The following DNAH11 variants were observed in gnomAD, a reference collection of about 807,000 sequenced individuals.
DNAH11 encodes the protein axonemal beta dynein heavy chain 11.
DNAH11 carries 442 observed loss-of-function variants against 526.0 expected under a neutral mutation model. The ratio of observed to expected loss-of-function variants is 0.84; its 90% CI spans 0.78 to 0.91. The LOEUF (loss-of-function observed/expected upper bound fraction) is 0.91. Ranked by LOEUF, DNAH11 falls within the 40% of genes least tolerant of loss-of-function variation. The probability of loss-of-function intolerance (pLI) is 0.00; values close to 1 mark genes in which losing one functional copy is unlikely to be tolerated. For synonymous variants in DNAH11, 2,461 were observed against 1,935.9 expected (o/e 1.27, Z -7.12); for missense variants, 6,989 against 5,448.7 (o/e 1.28, Z -8.90).
At chr7:21,840,249 A>G (rs1294543558) in intron 65 of DNAH11, among the ~76,000 whole-genome samples, 1 of 152,248 alleles carries the variant, frequency 6.6e-6, no homozygotes, top group Admixed American at 6.5e-5. Flanking sequence ...TTTTCTTTAG[A>G]ATTTTCCCAG....
chr7:21,890,114 T>C (rs749963170), intron 76 of DNAH11, among the ~76,000 whole-genome samples: 1 of 152,246 alleles, frequency 6.6e-6, no homozygotes, highest in East Asian at 1.9e-4. Context: ...TAAATTCTTA[T>C]GGCCACAACC....
In DNAH11 at chr7:21,880,938, G is replaced by A. The variant is rs62445884; in HGVS notation, c.12387+45G>A. The stretch of plus-strand genomic sequence containing the variant: ...TAACCTCTTCCAAGGAGTTTACAAA[G>A]CTGTCAGTCTTTGGGCACTATCAAA... On this transcript the variant is annotated intron_variant, in intron 75 of 81. Transcript: ENST00000409508. The A allele has an allele frequency of 0.22, 333,581 of 1,509,480 alleles. 39,133 individuals are homozygous for A. The highest frequency in any genetic ancestry group is 0.24 in the Non-Finnish European group (275,103 of 1,127,568). The allele number at this position is 1,509,480 out of a possible 1,614,324, so 93.5% of individuals were successfully genotyped here.
chr7:21,698,857 G>T (rs1170275331), intron 36 of DNAH11, among the ~76,000 whole-genome samples: 2 of 152,096 alleles, frequency 1.3e-5, no homozygotes, highest in Non-Finnish European at 2.9e-5. Context: ...AGATCAAATG[G>T]AGATTCCTTT....
At chr7:21,765,119 A>G (rs1036668400) in intron 54 of DNAH11, among the ~76,000 whole-genome samples, 1 of 152,180 alleles carries the variant, frequency 6.6e-6, no homozygotes, top group African/African-American at 2.4e-5. Flanking sequence ...TTTTATTATA[A>G]TGTTACTTGT....
chr7:21,720,927 CAT>C, intron 44 of DNAH11, 71 bp downstream of exon 44: 1 of 1,554,116 alleles, frequency 6.4e-7, no homozygotes, highest in African/African-American at 1.4e-5. Flanking sequence ...GAGGTTAAAA[CAT>C]GTGATCTGTA....
chr7:21,574,865 G>C lies in DNAH11; in HGVS notation c.1593+2892G>C, dbSNP rs550677804. ...ATTACAGGCGTGAGCCACTGCACTG[G>C]GCTTTTTTTTTTTTTTTTTTTTTTT... is the stretch of plus-strand genomic sequence containing the variant. On this transcript the variant is annotated intron_variant, in intron 8 of 81. Coordinates refer to ENST00000409508, the MANE Select transcript of DNAH11 (RefSeq NM_001277115.2). Among the ~76,000 whole-genome samples the C allele has an allele frequency of 9.2e-4, 107 of 116,318 alleles. 1 individual carries two copies. Among genetic ancestry groups the C allele is most frequent in the African/African-American group, 3.0e-3 (98 of 32,138 alleles). 76.3% of individuals were successfully genotyped at this position (116,318 alleles called of 152,430 possible).
intron 28 of DNAH11, among the ~76,000 whole-genome samples, chr7:21,639,471 T>C (rs1787022850): frequency 6.6e-6 from 1 of 152,186 alleles, no homozygotes; most frequent in African/African-American, 2.4e-5. Context: ...GTCACCTTCA[T>C]AATTATGACA....
At position 21,725,880 on chromosome 7, in the gene DNAH11, C is replaced by G. The variant is rs778320735; in HGVS notation, c.7336C>G (p.Gln2446Glu). The change falls in exon 45 of 82, where the codon CAG becomes GAG. Residue 2446 changes from glutamine to glutamate, a missense_variant. By Grantham distance (29) the Gln-to-Glu change is conservative (BLOSUM62 2). Transcript: ENST00000409508. The stretch of plus-strand genomic sequence containing the variant: ...GATGAAAGCAGTGAAATTTCCGTCG[C>G]AGGGAACAATCTTTGATTATTATGT... ...KEMKAVKFPS[Q>E]GTIFDYYVDH... is the part of the protein sequence containing the mutation. The G allele has an allele frequency of 1.2e-6, 2 of 1,608,112 alleles. No individual in the cohort carries two copies. The highest frequency in any genetic ancestry group is 1.7e-6 in the Non-Finnish European group (2 of 1,176,992).
chr7:21,882,497 G>A (rs948268276), intron 75 of DNAH11, among the ~76,000 whole-genome samples: 2 of 152,130 alleles, frequency 1.3e-5, no homozygotes, highest in Admixed American at 1.3e-4. Context: ...ATCAATTATT[G>A]AAAAGAACAG....
At chr7:21,617,573 T>C in intron 22 of DNAH11, 46 bp from the exon 23 acceptor site, 2 of 1,599,830 alleles carry the variant, frequency 1.3e-6, no homozygotes, top group Admixed American at 3.4e-5. Flanking sequence ...TAATATATAC[T>C]GTGTTATATC....
intron 80 of DNAH11, among the ~76,000 whole-genome samples, 197 bp from the exon 81 acceptor site, chr7:21,899,783 T>C (rs1445313605): frequency 2.0e-5 from 3 of 152,104 alleles, no homozygotes; most frequent in Non-Finnish European, 4.4e-5. Context: ...ACTATTCCAA[T>C]AAAACTATCT....
intron 65 of DNAH11, among the ~76,000 whole-genome samples, chr7:21,827,951 T>A (rs1200221801): frequency 1.3e-5 from 2 of 150,936 alleles, no homozygotes; most frequent in Non-Finnish European, 3.0e-5. Flanking sequence ...TTTTTTTAAT[T>A]TTTTTTTTTC....
intron 30 of DNAH11, among the ~76,000 whole-genome samples, chr7:21,669,617 G>A (rs1040332966): frequency 2.0e-5 from 3 of 151,120 alleles, no homozygotes; most frequent in Non-Finnish European, 4.4e-5. Flanking sequence ...TTTTTTTCAT[G>A]GCTAGTGCTT....
chr7:21,810,417 C>A (rs1315233433), intron 63 of DNAH11, among the ~76,000 whole-genome samples: 2 of 152,076 alleles, frequency 1.3e-5, no homozygotes, highest in Admixed American at 1.3e-4. Context: ...TGGACATGGG[C>A]ACAGATATTA....
chr7:21,750,202 C>T lies in DNAH11; in HGVS notation c.8798-20C>T. 6.4e-7 allele frequency: 1 copy of T among 1,566,554 alleles called. No homozygotes were observed. The highest frequency in any genetic ancestry group is 8.6e-7 in the Non-Finnish European group (1 of 1,160,458). On this transcript the variant is annotated intron_variant, in intron 53 of 81. Transcript: ENST00000409508. ...AAATTGCAATGATCTTTTAGTAATT[C>T]TACTCATTCTTTGGGGCAGGAGAAA...
intron 30 of DNAH11, among the ~76,000 whole-genome samples, chr7:21,663,590 A>T (rs1199308962): frequency 1.3e-5 from 2 of 151,976 alleles, no homozygotes; most frequent in Admixed American, 6.6e-5. Flanking sequence ...GCATTTTTTC[A>T]GATGTCCTTT....
At chr7:21,641,393 C>T (rs1283128820) in intron 28 of DNAH11, among the ~76,000 whole-genome samples, 1 of 152,142 alleles carries the variant, frequency 6.6e-6, no homozygotes, top group Non-Finnish European at 1.5e-5. Context: ...AGAAGGCATG[C>T]ATGGAGGTAG....
At chr7:21,756,425 G>C (rs1487994601) in intron 54 of DNAH11, among the ~76,000 whole-genome samples, 1 of 151,960 alleles carries the variant, frequency 6.6e-6, no homozygotes, top group East Asian at 1.9e-4. Context: ...GATAATTGGT[G>C]TGTTTATTAT....
At chr7:21,705,647 C>A in intron 39 of DNAH11, 110 bp downstream of exon 39, 1 of 1,052,452 alleles carries the variant, frequency 9.5e-7, no homozygotes. Flanking sequence ...TGAAGCCCAC[C>A]ATAATTTTGG....
Sources: allele counts gnomAD v4.1 joint callset (sites outside exome capture counted in the v4.1 genomes callset), GRCh38; gene constraint gnomAD v4.1.1; transcripts MANE v1.5; gene names NCBI Gene and HGNC (gene_info 2026-07-23, HGNC 2026-07-21).